Variants in SCN2A observed in about 807,000 individuals in gnomAD.
The protein encoded by SCN2A is sodium voltage-gated channel alpha subunit 2.
Under a neutral mutation model 188.7 loss-of-function variants are expected in SCN2A, and 20 were observed. The observed-to-expected ratio is 0.11, with a 90% CI of 0.07 to 0.15. The LOEUF is 0.15. Among genes scored for constraint, SCN2A ranks in the 10% least tolerant of loss-of-function variants. The pLI, the probability that SCN2A is intolerant of heterozygous loss-of-function variation, is 1.00. For missense variants in SCN2A, 1,278 were observed against 2,445.0 expected, an observed-to-expected ratio of 0.52 and a Z score of 10.07; for synonymous variants, 804 against 833.1, an observed-to-expected ratio of 0.97 and a Z score of 0.60.
At position 165,257,100 on chromosome 2, in the gene SCN2A, C is replaced by T. The variant is rs117751976; in HGVS notation, c.-52+17460C>T. 9.8e-3 allele frequency among the ~76,000 whole-genome samples: 1,495 copies of T among 152,248 alleles called. 26 individuals are homozygous for T. Among genetic ancestry groups the T allele is most frequent in the East Asian group, 0.062 (323 of 5,176 alleles). Reference sequence around the variant, plus strand: ...AACCATGGGAACTGACGCATCATTTCCTGAATTTAGTTGCGTTCAAGGGTA... The same window carrying T: ...AACCATGGGAACTGACGCATCATTTTCTGAATTTAGTTGCGTTCAAGGGTA... On this transcript the variant is annotated intron_variant, in intron 1 of 26. Coordinates refer to ENST00000375437, the MANE Select transcript of SCN2A (RefSeq NM_001040142.2).
intron 1 of SCN2A, among the ~76,000 whole-genome samples, chr2:165,288,112 T>C (rs1280737735): frequency 6.6e-6 from 1 of 152,190 alleles, no homozygotes; most frequent in Admixed American, 6.5e-5. Flanking sequence ...TCACTGAGAT[T>C]GTTCAGCCCC....
chr2:165,326,054 T>C (rs1439499810), intron 12 of SCN2A, among the ~76,000 whole-genome samples: 1 of 152,182 alleles, frequency 6.6e-6, no homozygotes, highest in African/African-American at 2.4e-5. Flanking sequence ...GCATTTGAAA[T>C]TCTTTAGCTT....
At position 165,297,083 on chromosome 2, in the gene SCN2A, T is replaced by G. The variant is rs1363757628; in HGVS notation, c.334T>G (p.Leu112Val). ...RFSATPALYILTPFNPIRKLA... is the reference protein window; with the variant it reads ...RFSATPALYIVTPFNPIRKLA... ...CAGTGCCACCCCTGCCCTTTACATT[T>G]TAACTCCCTTCAACCCTATTAGAAA... Residue 112 changes from leucine to valine, a missense_variant, in exon 3 of 27, where the codon TTA becomes GTA. Around this residue, in one of 17 missense-constraint regions of SCN2A, gnomAD observed 141 missense variants for 185.4 expected, o/e 0.76. Transcript: ENST00000375437. 1.9e-6 allele frequency: 3 copies of G among 1,611,992 alleles called. No homozygotes were observed. The South Asian group carries it at 3.3e-5, about 18-fold the overall frequency.
At chr2:165,379,381 C>G (rs1701483885) in intron 23 of SCN2A, among the ~76,000 whole-genome samples, 1 of 151,516 alleles carries the variant, frequency 6.6e-6, no homozygotes, top group South Asian at 2.1e-4. Flanking sequence ...GCTTATTGTT[C>G]AAAACTGCAT....
intron 1 of SCN2A, among the ~76,000 whole-genome samples, chr2:165,242,465 T>C (rs1213677030): frequency 1.3e-5 from 2 of 152,022 alleles, no homozygotes; most frequent in East Asian, 1.9e-4. Flanking sequence ...CATAAGAGGA[T>C]AGAGTAAAGA....
intron 1 of SCN2A, chr2:165,294,230 T>C: frequency 2.0e-6 from 1 of 508,052 alleles, no homozygotes; most frequent in Non-Finnish European, 2.5e-6. Flanking sequence ...GAGGGACCAC[T>C]TTCATTTTGA....
intron 1 of SCN2A, among the ~76,000 whole-genome samples, chr2:165,275,839 A>C (rs1695313056): frequency 6.6e-6 from 1 of 151,878 alleles, no homozygotes; most frequent in South Asian, 2.1e-4. Context: ...GGTTGAAGCA[A>C]TTCTCCTGCG....
chr2:165,342,245 T>C (rs763506408), intron 14 of SCN2A, 51 bp from the exon 15 acceptor site: 2 of 1,508,758 alleles, frequency 1.3e-6, no homozygotes, highest in Admixed American at 1.7e-5. Context: ...TCAATAATTA[T>C]TCGTGTTTCA....
rs368657915 is a variant in SCN2A at position 165,380,697 on chromosome 2, A to G, written c.4414A>G (p.Ile1472Val). Residue 1472 changes from isoleucine to valine, a missense_variant, in exon 24 of 27, where the codon ATC (isoleucine) becomes GTC (valine). By Grantham distance (29) the Ile-to-Val change is conservative. Around this residue, in one of 17 missense-constraint regions of SCN2A, gnomAD observed 97 missense variants for 266.1 expected, o/e 0.36. Transcript: ENST00000375437. ...TACCTTGAATCTTTTCATTGGTGTC[A>G]TCATAGATAACTTCAACCAACAGAA... ...FFTLNLFIGV[I>V]IDNFNQQKKK... 5 of 1,590,606 alleles carry G rather than the reference A, an allele frequency of 3.1e-6. No individual in the cohort carries two copies. In the Admixed American group the frequency reaches 8.4e-5, roughly 27 times the overall value.
At position 165,380,687 on chromosome 2, in the gene SCN2A, C is replaced by T. The variant is rs2105384719; in HGVS notation, c.4404C>T (p.Phe1468=). ...GTTCATTCTTTACCTTGAATCTTTT[C>T]ATTGGTGTCATCATAGATAACTTCA... ...IFGSFFTLNL[F]IGVIIDNFNQ... The change falls in exon 24 of 27, where the codon TTC becomes TTT. Residue 1468 remains phenylalanine (F), a synonymous_variant. Coordinates refer to ENST00000375437, the MANE Select transcript of SCN2A (RefSeq NM_001040142.2). 1 of 1,590,088 alleles carries T rather than the reference C, an allele frequency of 6.3e-7. No individual in the cohort carries two copies. Among genetic ancestry groups the T allele is most frequent in the Non-Finnish European group, 8.6e-7 (1 of 1,160,656 alleles).
chr2:165,316,841 G>A (rs1302469289), intron 11 of SCN2A, among the ~76,000 whole-genome samples: 2 of 152,100 alleles, frequency 1.3e-5, no homozygotes, highest in African/African-American at 2.4e-5. Context: ...GATCAGTAAA[G>A]TTAAATAGTT....
At chr2:165,367,495 C>A in intron 19 of SCN2A, 124 bp downstream of exon 19, 1 of 1,129,798 alleles carries the variant, frequency 8.9e-7, no homozygotes, top group South Asian at 1.3e-5. Context: ...ATATGTGTGA[C>A]GTGTTTAGCA....
intron 11 of SCN2A, among the ~76,000 whole-genome samples, chr2:165,317,041 A>G (rs1330719123): frequency 6.6e-6 from 1 of 152,128 alleles, no homozygotes; most frequent in East Asian, 1.9e-4. Context: ...TAAAATACAC[A>G]ATGGCATTAT....
chr2:165,310,232 T>G (rs1697355391), intron 6 of SCN2A, 91 bp from the exon 7 acceptor site: 1 of 1,372,514 alleles, frequency 7.3e-7, no homozygotes, highest in Non-Finnish European at 1.0e-6. Flanking sequence ...GCATGACATT[T>G]TTATTTTCCA....
At position 165,374,847 on chromosome 2, in the gene SCN2A, G is replaced by A. The variant is rs779140322; in HGVS notation, c.4135G>A (p.Val1379Met). Residue 1379 changes from valine to methionine, a missense_variant, in exon 22 of 27, where the codon GTG becomes ATG. Physicochemically the swap from Val to Met is conservative, Grantham distance 21. This residue lies in a region of SCN2A where 32 missense variants were observed against 42.5 expected (regional missense o/e 0.75). Coordinates refer to ENST00000375437, the MANE Select transcript of SCN2A (RefSeq NM_001040142.2). ...YTTGEMFDVSVVNNYSECKAL... is the reference protein window; with the variant it reads ...YTTGEMFDVSMVNNYSECKAL... ...CACTGGAGAGATGTTTGATGTAAGC[G>A]TGGTCAACAACTACAGTGAGTGCAA... 25 of 1,613,450 alleles carry A rather than the reference G, an allele frequency of 1.5e-5. No homozygotes were observed. The highest frequency in any genetic ancestry group is 1.6e-4 in the Middle Eastern group (1 of 6,080).
chr2:165,390,070 A>G lies in SCN2A; in HGVS notation c.*246A>G, dbSNP rs1336395330. 3 of 535,590 alleles carry G rather than the reference A, an allele frequency of 5.6e-6. No individual in the cohort carries two copies. Among genetic ancestry groups the G allele is most frequent in the African/African-American group, 1.9e-5 (1 of 52,562 alleles). The allele number at this position is 535,590 out of a possible 1,614,324, so 33.2% of individuals were successfully genotyped here. A position where few individuals can be genotyped will look rare whatever the true frequency, so the allele number is the denominator to read the frequency against. The stretch of plus-strand genomic sequence containing the variant: ...CAACCAGCTGACACTGCTGAAGAGC[A>G]GAGGCGTAATGGCTACTCAGACGAT... On this transcript the variant is annotated 3_prime_UTR_variant, in exon 27 of 27. Coordinates refer to ENST00000375437, the MANE Select transcript of SCN2A (RefSeq NM_001040142.2).
chr2:165,277,497 A>C (rs141328254), intron 1 of SCN2A, among the ~76,000 whole-genome samples: 1 of 152,294 alleles, frequency 6.6e-6, no homozygotes, highest in East Asian at 1.9e-4. Context: ...TAGTTGCCTT[A>C]TTTGGTCTAT....
chr2:165,285,673 T>C, intron 1 of SCN2A: 1 of 244,560 alleles, frequency 4.1e-6, no homozygotes. Context: ...GTTGCTCCAG[T>C]TCTGAATAAA....
chr2:165,350,615 G>A (rs1338575970), intron 16 of SCN2A, among the ~76,000 whole-genome samples: 8 of 147,446 alleles, frequency 5.4e-5, no homozygotes, highest in South Asian at 2.2e-4. Context: ...TGAGACTACA[G>A]GCGCCCGCCA....
Sources: gnomAD v4.1 joint callset for allele counts (sites outside exome capture counted in the v4.1 genomes callset) on GRCh38, gnomAD v4.1.1 for gene constraint, gnomAD v4.1.1 regional missense constraint, MANE v1.5 for transcripts, NCBI Gene and HGNC (gene_info 2026-07-23, HGNC 2026-07-21) for gene names.